FNDC3A: variants seen among roughly 807,000 people sequenced by gnomAD.
FNDC3A encodes fibronectin type III domain containing 3A, also known as fibronectin type-III domain-containing protein 3A.
Under a neutral mutation model 148.9 loss-of-function variants are expected in FNDC3A, and 32 were observed. The ratio of observed to expected loss-of-function variants is 0.21; its 90% CI spans 0.16 to 0.29. The LOEUF (loss-of-function observed/expected upper bound fraction) is 0.29, where lower values mean the gene tolerates loss of function less well. FNDC3A is among the 10% of genes least tolerant of loss of function. The pLI is 1.00. For synonymous variants in FNDC3A, 472 were observed against 473.6 expected (o/e 1.00, Z 0.04); for missense variants, 1,191 against 1,452.8 (o/e 0.82, Z 2.93).
intron 6 of FNDC3A, 114 bp downstream of exon 6, chr13:49,136,715 AG>A (rs1446359574): frequency 9.8e-7 from 1 of 1,017,700 alleles, no homozygotes; most frequent in African/African-American, 1.6e-5. Context: ...AGACTGTTAC[AG>A]GCTGCTGCTT....
At chr13:49,155,241 T>G (rs1442997178) in intron 8 of FNDC3A, among the ~76,000 whole-genome samples, 1 of 152,146 alleles carries the variant, frequency 6.6e-6, no homozygotes, top group Non-Finnish European at 1.5e-5. Context: ...CCTGGTTTAG[T>G]CTTGGGAGAT....
chr13:49,057,071 T>C (rs1220288998), intron 2 of FNDC3A, among the ~76,000 whole-genome samples: 1 of 152,230 alleles, frequency 6.6e-6, no homozygotes, highest in Non-Finnish European at 1.5e-5. Context: ...GTGTTGGCTT[T>C]TTCCAGGTAC....
intron 2 of FNDC3A, among the ~76,000 whole-genome samples, chr13:49,036,158 A>C (rs1384351335): frequency 6.6e-6 from 1 of 152,192 alleles, no homozygotes; most frequent in Non-Finnish European, 1.5e-5. Flanking sequence ...ATTAGTTCAA[A>C]TTTAGACATA....
At chr13:49,001,841 T>A (rs997053285) in intron 1 of FNDC3A, among the ~76,000 whole-genome samples, 20 of 152,202 alleles carry the variant, frequency 1.3e-4, no homozygotes, top group African/African-American at 4.8e-4. Flanking sequence ...GCCCCAGTCC[T>A]GTGGTCCTGT....
chr13:49,003,598 CCTGTTTAAGAAATCTTTCT>C (rs1952167691), intron 1 of FNDC3A, among the ~76,000 whole-genome samples: 1 of 151,844 alleles, frequency 6.6e-6, no homozygotes, highest in Non-Finnish European at 1.5e-5. Context: ...TATTTTATAT[CCTGTTTAAGAAATCTTTCT>C]CTGTCCCAAG....
chr13:49,187,568 A>G lies in FNDC3A; in HGVS notation c.1825+378A>G, dbSNP rs907509621. On this transcript the variant is annotated intron_variant, in intron 16 of 25. Transcript: ENST00000492622. ...AAACACATCTTAGCTAGTAACGACC[A>G]CTTGTTTTCCACTGAAAATGGCAAA... 23 of 1,610,890 alleles carry G rather than the reference A, an allele frequency of 1.4e-5. No homozygotes were observed. The African/African-American group carries it at 2.5e-4, about 18-fold the overall frequency.
chr13:49,187,652 G>A (rs558429258), intron 16 of FNDC3A: 19 of 1,594,384 alleles, frequency 1.2e-5, no homozygotes, highest in South Asian at 4.4e-5. Context: ...GTGAACCTCC[G>A]GATGCTCTGG....
At chr13:49,073,104 C>A (rs2137772480) in intron 2 of FNDC3A, among the ~76,000 whole-genome samples, 1 of 152,048 alleles carries the variant, frequency 6.6e-6, no homozygotes, top group Admixed American at 6.5e-5. Flanking sequence ...GACAGCACAG[C>A]TGTAGATGAA....
intron 17 of FNDC3A, among the ~76,000 whole-genome samples, chr13:49,190,704 T>A (rs1387022054): frequency 2.0e-5 from 3 of 152,326 alleles, no homozygotes; most frequent in Admixed American, 6.5e-5. Flanking sequence ...TAAATTGTGT[T>A]GGAAGTTGTT....
At chr13:49,007,894 G>T (rs377284682) in intron 2 of FNDC3A, among the ~76,000 whole-genome samples, 13 of 152,154 alleles carry the variant, frequency 8.5e-5, no homozygotes, top group Admixed American at 8.5e-4. Context: ...GTTGCGTGTA[G>T]TTCGGTAGGG....
At chr13:49,132,950 A>G (rs547152918) in intron 5 of FNDC3A, among the ~76,000 whole-genome samples, 66 of 152,318 alleles carry the variant, frequency 4.3e-4, no homozygotes, top group African/African-American at 1.5e-3. Context: ...AACTGAATCT[A>G]TTTTAATCAC....
intron 3 of FNDC3A, among the ~76,000 whole-genome samples, chr13:49,087,427 T>C (rs553311676): frequency 7.7e-4 from 117 of 152,236 alleles, no homozygotes; most frequent in South Asian, 8.3e-4. Flanking sequence ...ATTACGTAGG[T>C]AGAAATATGA....
At chr13:49,182,707 C>T (rs1430859971) in intron 14 of FNDC3A, among the ~76,000 whole-genome samples, 2 of 152,048 alleles carry the variant, frequency 1.3e-5, no homozygotes, top group Admixed American at 6.6e-5. Flanking sequence ...TATCTGGCTC[C>T]GTTAACTACT....
chr13:49,011,343 C>T (rs560654033), intron 2 of FNDC3A, among the ~76,000 whole-genome samples: 1 of 152,042 alleles, frequency 6.6e-6, no homozygotes, highest in African/African-American at 2.4e-5. Context: ...AAGTGATTCT[C>T]CTGCCTCAGC....
chr13:49,098,702 T>C (rs1307916900), intron 3 of FNDC3A, among the ~76,000 whole-genome samples: 1 of 152,182 alleles, frequency 6.6e-6, no homozygotes, highest in Non-Finnish European at 1.5e-5. Context: ...TGTTTATCAC[T>C]GATACATCTA....
At chr13:49,158,528 G>A (rs373264172) in intron 8 of FNDC3A, among the ~76,000 whole-genome samples, 8 of 152,230 alleles carry the variant, frequency 5.3e-5, no homozygotes, top group African/African-American at 1.9e-4. Context: ...TTCCTATTCG[G>A]CCATCTTCGA....
At chr13:49,163,663 G>T (rs1355823543) in intron 8 of FNDC3A, among the ~76,000 whole-genome samples, 2 of 152,192 alleles carry the variant, frequency 1.3e-5, no homozygotes, top group African/African-American at 4.8e-5. Flanking sequence ...GTCCCAGTGA[G>T]ATGAACCTGG....
chr13:49,111,918 A>G (rs1267600715), intron 3 of FNDC3A, among the ~76,000 whole-genome samples: 1 of 152,218 alleles, frequency 6.6e-6, no homozygotes, highest in East Asian at 1.9e-4. Flanking sequence ...ACACTTAGAT[A>G]TAATTAAAAA....
intron 1 of FNDC3A, among the ~76,000 whole-genome samples, chr13:48,987,654 T>C (rs2137558681): frequency 6.6e-6 from 1 of 152,294 alleles, no homozygotes; most frequent in Non-Finnish European, 1.5e-5. Context: ...GATGTGGGAT[T>C]GGAGAAGAAT....
Sources: gnomAD v4.1 joint callset for allele counts (sites outside exome capture counted in the v4.1 genomes callset) on GRCh38, gnomAD v4.1.1 for gene constraint, MANE v1.5 for transcripts, NCBI Gene and HGNC (gene_info 2026-07-23, HGNC 2026-07-21) for gene names.